The following KIRREL3 variants were observed in gnomAD, a reference collection of about 807,000 sequenced individuals.
KIRREL3 encodes kirre like nephrin family adhesion molecule 3, also known as kin of IRRE-like protein 3.
A neutral mutation model predicts 89.7 loss-of-function variants in KIRREL3; 36 were observed. The ratio of observed to expected loss-of-function variants is 0.40; its 90% CI spans 0.31 to 0.53. The LOEUF is 0.53. Ranked by LOEUF, KIRREL3 falls within the 20% of genes least tolerant of loss-of-function variation. The probability of loss-of-function intolerance (pLI) is 0.49; values close to 1 mark genes in which losing one functional copy is unlikely to be tolerated. For synonymous variants in KIRREL3, 445 were observed against 441.4 expected (o/e 1.01, Z -0.10); for missense variants, 864 against 1,056.6 (o/e 0.82, Z 2.53).
chr11:126,826,475 G>C (rs986397757), intron 1 of KIRREL3, among the ~76,000 whole-genome samples: 2 of 152,042 alleles, frequency 1.3e-5, no homozygotes, highest in African/African-American at 2.4e-5. Flanking sequence ...CTGGCCTTCA[G>C]AGCATCATTC....
At chr11:126,823,278 A>G (rs1303031928) in intron 1 of KIRREL3, among the ~76,000 whole-genome samples, 2 of 152,198 alleles carry the variant, frequency 1.3e-5, no homozygotes, top group Non-Finnish European at 1.5e-5. Flanking sequence ...TACTTCAGCT[A>G]AGGGATAAAC....
In KIRREL3 at chr11:126,571,250, C is replaced by A. The variant is rs944818720; in HGVS notation, c.56-8338G>T. Among the ~76,000 whole-genome samples, 1 of 152,222 alleles carries A rather than the reference C, an allele frequency of 6.6e-6. No homozygotes were observed. The highest frequency in any genetic ancestry group is 1.5e-5 in the Non-Finnish European group (1 of 68,048). On this transcript the variant is annotated intron_variant, in intron 1 of 16. Coordinates refer to ENST00000525144, the MANE Select transcript of KIRREL3 (RefSeq NM_032531.4). This position sits in a 1 kb window ranked among gnomAD's most constrained non-coding sequence, Gnocchi z 7.7. The stretch of plus-strand genomic sequence containing the variant: ...TGGGTTCCTCCCCTACCCTCAGACA[C>A]TGCCTGGGATCTTTCTCCCAACTGA...
chr11:126,751,153 C>G (rs1002947065), intron 1 of KIRREL3, among the ~76,000 whole-genome samples: 4 of 152,172 alleles, frequency 2.6e-5, no homozygotes, highest in Non-Finnish European at 5.9e-5. Context: ...CATCCTGTAG[C>G]GCCACAGGAC....
intron 4 of KIRREL3, among the ~76,000 whole-genome samples, chr11:126,502,784 C>T (rs905671831): frequency 2.0e-5 from 3 of 152,194 alleles, no homozygotes; most frequent in Admixed American, 1.3e-4. Context: ...AACTGATTTC[C>T]TTCAGTTGCA....
At chr11:126,846,407 T>C (rs922116848) in intron 1 of KIRREL3, among the ~76,000 whole-genome samples, 2 of 152,218 alleles carry the variant, frequency 1.3e-5, no homozygotes, top group Non-Finnish European at 2.9e-5. Context: ...TTAAAAATAA[T>C]AGAAGCTTAA....
chr11:126,977,347 T>C lies in KIRREL3; in HGVS notation c.55+23108A>G, dbSNP rs1052560761. ...CATTCGTTTGGTGCTGTCAAAACAC[T>C]GAAGCTGCCATCTTTCTTGAGCCAC... On this transcript the variant is annotated intron_variant, in intron 1 of 16. Coordinates refer to ENST00000525144, the MANE Select transcript of KIRREL3 (RefSeq NM_032531.4). This position sits in a 1 kb window ranked among gnomAD's most constrained non-coding sequence, Gnocchi z 4.7. 6.6e-6 allele frequency among the ~76,000 whole-genome samples: 1 copy of C among 152,202 alleles called. No homozygotes were observed. The highest frequency in any genetic ancestry group is 2.4e-5 in the African/African-American group (1 of 41,448).
chr11:126,686,873 C>A lies in KIRREL3; in HGVS notation c.56-123961G>T, dbSNP rs1946684865. Among the ~76,000 whole-genome samples the A allele has an allele frequency of 6.6e-6, 1 of 152,212 alleles. No individual in the cohort carries two copies. The highest frequency in any genetic ancestry group is 1.5e-5 in the Non-Finnish European group (1 of 68,036). On this transcript the variant is annotated intron_variant, in intron 1 of 16. Coordinates refer to ENST00000525144, the MANE Select transcript of KIRREL3 (RefSeq NM_032531.4). The surrounding 1 kb of genome is among the most constrained non-coding windows in gnomAD (Gnocchi z 4.7). ...GGATTACAGGTGTGAGCCACCATGCCTGGATCCTACACTGAATTTTGAAAC... is the reference window on the plus strand; with the variant it reads ...GGATTACAGGTGTGAGCCACCATGCATGGATCCTACACTGAATTTTGAAAC...
intron 7 of KIRREL3, among the ~76,000 whole-genome samples, chr11:126,451,516 TTG>T (rs1338250469): frequency 8.3e-6 from 1 of 120,836 alleles, no homozygotes; most frequent in Admixed American, 8.4e-5. Flanking sequence ...GTGTGTCCAT[TTG>T]TGAGTGGGTG....
chr11:126,865,749 A>G (rs1256309599), intron 1 of KIRREL3, among the ~76,000 whole-genome samples: 2 of 152,262 alleles, frequency 1.3e-5, no homozygotes, highest in African/African-American at 4.8e-5. Context: ...GGGTGGAAGA[A>G]AAATGCACAA....
In KIRREL3 at chr11:126,605,929, C is replaced by G. The variant is rs1942871106; in HGVS notation, c.56-43017G>C. Among the ~76,000 whole-genome samples the G allele has an allele frequency of 6.6e-6, 1 of 152,206 alleles. No homozygotes were observed. Among genetic ancestry groups the G allele is most frequent in the East Asian group, 1.9e-4 (1 of 5,194 alleles). On this transcript the variant is annotated intron_variant, in intron 1 of 16. Coordinates refer to ENST00000525144, the MANE Select transcript of KIRREL3 (RefSeq NM_032531.4). The surrounding 1 kb of genome is among the most constrained non-coding windows in gnomAD (Gnocchi z 5.7). The stretch of plus-strand genomic sequence containing the variant: ...GAGGTTCCTCCTGTTCATTCTCTGC[C>G]TCAGGGAAGTGACACACAGAATGGC...
chr11:126,863,494 T>TGTAAGTGC (rs1565363217), intron 1 of KIRREL3, among the ~76,000 whole-genome samples: 4 of 138,484 alleles, frequency 2.9e-5, no homozygotes, highest in Admixed American at 2.8e-4. Context: ...TGAGTGCGTG[T>TGTAAGTGC]GTGAGTGTGA....
intron 1 of KIRREL3, among the ~76,000 whole-genome samples, chr11:126,801,519 C>T (rs763910840): frequency 1.9e-4 from 29 of 152,178 alleles, no homozygotes; most frequent in Non-Finnish European, 4.0e-4. Context: ...CAATTCTACC[C>T]CAATATGAGC....
At position 126,614,501 on chromosome 11, in the gene KIRREL3, TC is replaced by T. The variant is rs1169918654; in HGVS notation, c.56-51590del. ...CTACAGTGATACTCAGGCCCTTAGATCAATTAAATCAGACTTTCTCATGAGG... is the reference window on the plus strand; with the variant it reads ...CTACAGTGATACTCAGGCCCTTAGATAATTAAATCAGACTTTCTCATGAGG... On this transcript the variant is annotated intron_variant, in intron 1 of 16. Coordinates refer to ENST00000525144, the MANE Select transcript of KIRREL3 (RefSeq NM_032531.4). This position sits in a 1 kb window ranked among gnomAD's most constrained non-coding sequence, Gnocchi z 4.6. 6.6e-6 allele frequency among the ~76,000 whole-genome samples: 1 copy of T among 152,170 alleles called. No homozygotes were observed. The highest frequency in any genetic ancestry group is 6.5e-5 in the Admixed American group (1 of 15,280).
In KIRREL3 at chr11:126,906,758, C is replaced by T. The variant is rs866929472; in HGVS notation, c.55+93697G>A. On this transcript the variant is annotated intron_variant, in intron 1 of 16. Coordinates refer to ENST00000525144, the MANE Select transcript of KIRREL3 (RefSeq NM_032531.4). The surrounding 1 kb of genome is among the most constrained non-coding windows in gnomAD (Gnocchi z 4.1). ...ACTGCACTCGGATCCCCAGCACCTCCTCTGTAGCCCACAGTGCAAGGCTGC... is the reference window on the plus strand; with the variant it reads ...ACTGCACTCGGATCCCCAGCACCTCTTCTGTAGCCCACAGTGCAAGGCTGC... Among the ~76,000 whole-genome samples, 21 of 152,330 alleles carry T rather than the reference C, an allele frequency of 1.4e-4. No homozygotes were observed. Among genetic ancestry groups the T allele is most frequent in the Middle Eastern group, 6.8e-3 (2 of 294 alleles).
chr11:126,444,902 G>A, intron 10 of KIRREL3, 77 bp downstream of exon 10: 1 of 1,588,372 alleles, frequency 6.3e-7, no homozygotes, highest in South Asian at 1.1e-5. Context: ...AGCTCCTTTG[G>A]GGCTATGCCT....
At position 126,883,542 on chromosome 11, in the gene KIRREL3, C is replaced by T. The variant is rs137960548; in HGVS notation, c.55+116913G>A. 1.4e-3 allele frequency among the ~76,000 whole-genome samples: 211 copies of T among 152,134 alleles called. 1 individual carries two copies. The highest frequency in any genetic ancestry group is 4.7e-3 in the African/African-American group (197 of 41,512). Reference sequence around the variant, plus strand: ...TCATCTTCTCCACCTGGAAAAAATCCAAACCTTTGATGAAGTTTGGGTAAA... The same window carrying T: ...TCATCTTCTCCACCTGGAAAAAATCTAAACCTTTGATGAAGTTTGGGTAAA... On this transcript the variant is annotated intron_variant, in intron 1 of 16. Coordinates refer to ENST00000525144, the MANE Select transcript of KIRREL3 (RefSeq NM_032531.4). This position sits in a 1 kb window ranked among gnomAD's most constrained non-coding sequence, Gnocchi z 4.1.
At chr11:126,638,987 A>ATT (rs139062236) in intron 1 of KIRREL3, among the ~76,000 whole-genome samples, 1 of 151,546 alleles carries the variant, frequency 6.6e-6, no homozygotes, top group East Asian at 1.9e-4. Flanking sequence ...CACTTTAATG[A>ATT]TTTTTTTTTA....
At chr11:126,450,061 G>C (rs1955972098) in intron 7 of KIRREL3, among the ~76,000 whole-genome samples, 1 of 152,258 alleles carries the variant, frequency 6.6e-6, no homozygotes, top group Non-Finnish European at 1.5e-5. Flanking sequence ...ATCTGGCTCT[G>C]GGGCAGTGAC....
At chr11:126,478,651 A>G (rs1005664510) in intron 4 of KIRREL3, among the ~76,000 whole-genome samples, 3 of 128,672 alleles carry the variant, frequency 2.3e-5, no homozygotes, top group African/African-American at 1.0e-4. Context: ...GTGTGTATGT[A>G]TGTGTATATG....
Sources: allele counts gnomAD v4.1 joint callset (sites outside exome capture counted in the v4.1 genomes callset), GRCh38; gene constraint gnomAD v4.1.1; non-coding constraint Gnocchi (gnomAD v3.1); transcripts MANE v1.5; gene names NCBI Gene and HGNC (gene_info 2026-07-23, HGNC 2026-07-21).